GPM6B: variants seen among roughly 807,000 people sequenced by gnomAD.
GPM6B encodes the protein neuronal membrane glycoprotein M6-b.
A neutral mutation model predicts 27.2 loss-of-function variants in GPM6B; 4 were observed. That is an observed-to-expected ratio of 0.15 (90% CI 0.07 to 0.34). GPM6B has a LOEUF of 0.34. GPM6B is among the 10% of genes least tolerant of loss of function. The pLI, the probability that GPM6B is intolerant of heterozygous loss-of-function variation, is 1.00. For synonymous variants in GPM6B, 124 were observed against 103.1 expected (o/e 1.20, Z -1.23); for missense variants, 183 against 261.9 (o/e 0.70, Z 2.08).
rs907357769 is a variant in GPM6B, at chrX:13,921,899, G to A, written c.-198+16428C>T. ...GCCTATACCCACTTTTAATAATATG[G>A]AGGTTAAGGGGTATTACATGCAGAA... On this transcript the variant is annotated intron_variant, in intron 1 of 6. Transcript: ENST00000398361. Among the ~76,000 whole-genome samples the A allele has an allele frequency of 1.1e-3, 119 of 111,692 alleles. 1 individual carries two copies. The highest frequency in any genetic ancestry group is 3.7e-3 in the African/African-American group (114 of 30,788).
At chrX:13,878,760 T>C (rs976250037) in intron 1 of GPM6B, among the ~76,000 whole-genome samples, 2 of 111,984 alleles carry the variant, frequency 1.8e-5, no homozygotes, top group Admixed American at 9.4e-5. Context: ...TCCTGAATCA[T>C]CCAGGTAGAC....
chrX:13,922,174 T>C lies in GPM6B; in HGVS notation c.-198+16153A>G, dbSNP rs973548705. On this transcript the variant is annotated intron_variant, in intron 1 of 6. Transcript: ENST00000398361. ...AAACTCAGTCTGCCTTATTGTTTCT[T>C]AACCTCAGCACTCTTGACATTTGGG... Among the ~76,000 whole-genome samples the C allele has an allele frequency of 4.5e-5, 5 of 111,336 alleles. No homozygotes were observed. The Admixed American group carries it at 4.8e-4, about 11-fold the overall frequency.
intron 1 of GPM6B, among the ~76,000 whole-genome samples, chrX:13,936,733 A>G (rs1275365127): frequency 8.9e-6 from 1 of 112,357 alleles, no homozygotes; most frequent in Non-Finnish European, 1.9e-5. Flanking sequence ...ACAATTGTCC[A>G]AAACACAAAG....
chrX:13,861,172 T>C (rs1205716777), intron 1 of GPM6B, among the ~76,000 whole-genome samples: 1 of 110,175 alleles, frequency 9.1e-6, no homozygotes, highest in African/African-American at 3.3e-5. Context: ...CATACATATA[T>C]ATATACACAC....
chrX:13,920,759 C>T (rs768242461), intron 1 of GPM6B, among the ~76,000 whole-genome samples: 4 of 109,501 alleles, frequency 3.7e-5, no homozygotes, highest in African/African-American at 1.3e-4. Context: ...GGTGTGGTGG[C>T]GGGCGCCTGC....
At chrX:13,863,266 A>G (rs776725470) in intron 1 of GPM6B, among the ~76,000 whole-genome samples, 1 of 112,085 alleles carries the variant, frequency 8.9e-6, no homozygotes, top group East Asian at 2.8e-4. Flanking sequence ...CACAATCTTA[A>G]CACATTTCAT....
chrX:13,865,575 G>GAAA (rs1263119353), intron 1 of GPM6B, among the ~76,000 whole-genome samples: 1 of 49,094 alleles, frequency 2.0e-5, no homozygotes, highest in Non-Finnish European at 4.2e-5. Flanking sequence ...AAGAAAGAAA[G>GAAA]AAAAGAAAAG....
At chrX:13,787,413 G>A (rs942228676) in intron 2 of GPM6B, among the ~76,000 whole-genome samples, 4 of 111,350 alleles carry the variant, frequency 3.6e-5, no homozygotes, top group African/African-American at 9.8e-5. Context: ...AAAATTAGCC[G>A]GGTGTGGTGG....
At chrX:13,857,005 G>A (rs374181378) in intron 1 of GPM6B, among the ~76,000 whole-genome samples, 101 of 111,037 alleles carry the variant, frequency 9.1e-4, no homozygotes, top group Middle Eastern at 9.3e-3. Context: ...GTGGCTTGTG[G>A]CCCCTTTCTC....
intron 2 of GPM6B, among the ~76,000 whole-genome samples, chrX:13,788,787 A>T (rs772572620): frequency 2.3e-3 from 253 of 110,228 alleles, no homozygotes; most frequent in Non-Finnish European, 4.0e-3. Flanking sequence ...GATGCTGTTC[A>T]ATCCCAAATT....
At chrX:13,861,026 A>T (rs1014319125) in intron 1 of GPM6B, among the ~76,000 whole-genome samples, 3 of 83,268 alleles carry the variant, frequency 3.6e-5, no homozygotes, top group African/African-American at 6.6e-5. Context: ...ACACACACAC[A>T]CACACACACA....
intron 2 of GPM6B, among the ~76,000 whole-genome samples, chrX:13,804,235 T>C (rs1478946097): frequency 9.0e-6 from 1 of 111,603 alleles, no homozygotes; most frequent in Non-Finnish European, 1.9e-5. Flanking sequence ...ATCTAGATTG[T>C]CTTAGGCTAT....
chrX:13,857,452 G>A, intron 1 of GPM6B, among the ~76,000 whole-genome samples: 1 of 111,851 alleles, frequency 8.9e-6, no homozygotes, highest in African/African-American at 3.2e-5. Context: ...AGCAATAAAG[G>A]ACCCCTGGTT....
At chrX:13,907,322 A>G (rs1401737657) in intron 1 of GPM6B, among the ~76,000 whole-genome samples, 1 of 112,314 alleles carries the variant, frequency 8.9e-6, no homozygotes, top group Non-Finnish European at 1.9e-5. Flanking sequence ...TTTGCTAGTG[A>G]GGGGTAATAC....
chrX:13,822,541 T>G (rs946122276), intron 1 of GPM6B, among the ~76,000 whole-genome samples: 3 of 109,331 alleles, frequency 2.7e-5, no homozygotes, highest in Non-Finnish European at 5.7e-5. Flanking sequence ...TAATTTTTTT[T>G]TTTTTTTGTA....
chrX:13,774,538 T>G (rs750324271), intron 7 of GPM6B: 1 of 1,206,706 alleles, frequency 8.3e-7, no homozygotes, highest in East Asian at 3.0e-5. Context: ...AAACTCCTTA[T>G]GCAATTTAGA....
At chrX:13,919,607 T>C (rs757840504) in intron 1 of GPM6B, among the ~76,000 whole-genome samples, 1 of 112,411 alleles carries the variant, frequency 8.9e-6, no homozygotes, top group Non-Finnish European at 1.9e-5. Flanking sequence ...CAACTAAATA[T>C]ATGGGTGAAA....
chrX:13,780,758 T>TG (rs999215212), intron 4 of GPM6B, among the ~76,000 whole-genome samples: 1 of 111,750 alleles, frequency 8.9e-6, no homozygotes, highest in African/African-American at 3.3e-5. Flanking sequence ...TTGACCACTT[T>TG]TCAGAGAGCT....
chrX:13,915,367 T>C (rs754455450), intron 1 of GPM6B, among the ~76,000 whole-genome samples: 55 of 111,464 alleles, frequency 4.9e-4, no homozygotes, highest in South Asian at 7.6e-4. Flanking sequence ...CTCTCTCCTG[T>C]ACTGGCTGAT....
Sources: gnomAD v4.1 joint callset for allele counts (sites outside exome capture counted in the v4.1 genomes callset) on GRCh38, gnomAD v4.1.1 for gene constraint, MANE v1.5 for transcripts, NCBI Gene and HGNC (gene_info 2026-07-23, HGNC 2026-07-21) for gene names.